The following MRGPRX2 variants were observed in gnomAD, a reference collection of about 807,000 sequenced individuals.
MRGPRX2 encodes MAS related GPR family member X2, also known as mas-related G protein-coupled receptor member X2.
For synonymous variants in MRGPRX2, 183 were observed against 175.6 expected, an observed-to-expected ratio of 1.04 and a Z score of -0.33; for missense variants, 389 against 404.5, an observed-to-expected ratio of 0.96 and a Z score of 0.33.
chr11:19,055,223 G>A lies in MRGPRX2; in HGVS notation c.*187C>T. On this transcript the variant is annotated 3_prime_UTR_variant, in exon 2 of 2. Transcript: ENST00000329773. ...TCATAGGGCTGTGGTGGAAGCCTGTGAGTAAGGCAGTTCCAGAGACACTGC... is the reference window on the plus strand; with the variant it reads ...TCATAGGGCTGTGGTGGAAGCCTGTAAGTAAGGCAGTTCCAGAGACACTGC... 4 of 607,038 alleles carry A rather than the reference G, an allele frequency of 6.6e-6. No individual in the cohort carries two copies. The highest frequency in any genetic ancestry group is 1.1e-5 in the Non-Finnish European group (4 of 355,588). 37.6% of individuals were successfully genotyped at this position (607,038 alleles called of 1,614,324 possible).
At chr11:19,056,494 G>T in intron 1 of MRGPRX2, 67 bp from the exon 2 acceptor site, 1 of 1,461,512 alleles carries the variant, frequency 6.8e-7, no homozygotes, top group Non-Finnish European at 9.3e-7. Context: ...AGCCTGTTAT[G>T]TGGTAATTAC....
At chr11:19,059,830 C>A (rs1849652631) in intron 1 of MRGPRX2, among the ~76,000 whole-genome samples, 1 of 152,138 alleles carries the variant, frequency 6.6e-6, no homozygotes, top group South Asian at 2.1e-4. Context: ...CCAAAGGGTA[C>A]ACATTGACAG....
Position 19,054,545 on chromosome 11 carries a change from A to G in MRGPRX2, c.*865T>C, listed in dbSNP as rs1849594531. The G allele has an allele frequency of 6.6e-6, 1 of 152,268 alleles. No homozygotes were observed. Among genetic ancestry groups the G allele is most frequent in the South Asian group, 2.1e-4 (1 of 4,834 alleles). 9.4% of individuals were successfully genotyped at this position (152,268 alleles called of 1,614,324 possible). A position where few individuals can be genotyped will look rare whatever the true frequency, so the allele number is the denominator to read the frequency against. Reference sequence around the variant, plus strand: ...AAATAAATGCTCCGAGTTCTTCGGAATAAAAGGTAAATCTGACATACAGCC... The same window carrying G: ...AAATAAATGCTCCGAGTTCTTCGGAGTAAAAGGTAAATCTGACATACAGCC... On this transcript the variant is annotated 3_prime_UTR_variant, in exon 2 of 2. Coordinates refer to ENST00000329773, the MANE Select transcript of MRGPRX2 (RefSeq NM_054030.4).
chr11:19,055,545 C>T lies in MRGPRX2; in HGVS notation c.858G>A (p.Arg286=). The change falls in exon 2 of 2, where the codon AGG becomes AGA. Residue 286 remains arginine (R), a synonymous_variant. Coordinates refer to ENST00000329773, the MANE Select transcript of MRGPRX2 (RefSeq NM_054030.4). ...TCGGCTGCTGCAGCCGCCACTGCTT[C>T]CTAAAAGAGCCCACGAAGAAGTAAA... is the stretch of plus-strand genomic sequence containing the variant. ...PIIYFFVGSF[R]KQWRLQQPIL... 5 of 1,614,186 alleles carry T rather than the reference C, an allele frequency of 3.1e-6. No individual in the cohort carries two copies. The highest frequency in any genetic ancestry group is 3.4e-6 in the Non-Finnish European group (4 of 1,180,024).
rs1331298011 is a variant in MRGPRX2, at chr11:19,055,294, G to A, written c.*116C>T. On this transcript the variant is annotated 3_prime_UTR_variant, in exon 2 of 2. Coordinates refer to ENST00000329773, the MANE Select transcript of MRGPRX2 (RefSeq NM_054030.4). Reference sequence around the variant, plus strand: ...GCACTGTCTCACTTAATCCTCACAAGGACTCTCTTAACTGTTTTAAAATCA... The same window carrying A: ...GCACTGTCTCACTTAATCCTCACAAAGACTCTCTTAACTGTTTTAAAATCA... 1.7e-5 allele frequency: 18 copies of A among 1,076,578 alleles called. No homozygotes were observed. Among genetic ancestry groups the A allele is most frequent in the Non-Finnish European group, 2.3e-5 (17 of 740,430 alleles). The allele number at this position is 1,076,578 out of a possible 1,614,324, so 66.7% of individuals were successfully genotyped here.
Position 19,056,091 on chromosome 11 carries a change from G to T in MRGPRX2, c.312C>A (p.Phe104Leu), listed in dbSNP as rs764571825. 4.3e-6 allele frequency: 7 copies of T among 1,614,226 alleles called. No homozygotes were observed. In the South Asian group the frequency reaches 6.6e-5, roughly 15 times the overall value. Residue 104 changes from phenylalanine to leucine, a missense_variant, in exon 2 of 2, where the codon TTC becomes TTA. Physicochemically the swap from Phe to Leu is conservative, Grantham distance 22. Transcript: ENST00000329773. ...AGGCACAGGTCATCACAGTGGTGAA[G>T]AAGCTAGGGAAATTGATGGAGATGG... ...FCSISINFPS[F>L]FTTVMTCAYL...
intron 1 of MRGPRX2, among the ~76,000 whole-genome samples, chr11:19,057,124 C>G (rs1806866325): frequency 6.6e-6 from 1 of 152,164 alleles, no homozygotes; most frequent in African/African-American, 2.4e-5. Flanking sequence ...TGCATGCATG[C>G]ATGGGGAGCC....
intron 1 of MRGPRX2, among the ~76,000 whole-genome samples, chr11:19,057,718 A>T (rs894354622): frequency 3.3e-5 from 5 of 152,236 alleles, no homozygotes; most frequent in Non-Finnish European, 7.3e-5. Flanking sequence ...CTTACTCATA[A>T]TGGGGTGAAT....
At chr11:19,058,423 AT>A (rs35629793) in intron 1 of MRGPRX2, among the ~76,000 whole-genome samples, 179 of 141,104 alleles carry the variant, frequency 1.3e-3, no homozygotes, top group African/African-American at 1.5e-3. Flanking sequence ...TTGCACCTGT[AT>A]TTTTTTTTTT....
At chr11:19,058,612 G>A (rs1263114999) in intron 1 of MRGPRX2, among the ~76,000 whole-genome samples, 2 of 151,622 alleles carry the variant, frequency 1.3e-5, no homozygotes, top group Non-Finnish European at 2.9e-5. Context: ...TTTTTCAGTA[G>A]AGACGGGGTT....
At chr11:19,059,602 T>C (rs1565000788) in intron 1 of MRGPRX2, among the ~76,000 whole-genome samples, 2 of 151,142 alleles carry the variant, frequency 1.3e-5, no homozygotes, top group Non-Finnish European at 3.0e-5. Context: ...GATGGGAAGG[T>C]CAAACAATTA....
chr11:19,055,890 TAAG>T lies in MRGPRX2; in HGVS notation c.510_512del (p.Phe170del), dbSNP rs1480625655. On this transcript the variant is annotated inframe_deletion, in exon 2 of 2. Transcript: ENST00000329773. ...ACCAACCAGAGTCACCATCACTAAATAAGAAGCCACAGAACTTCCCTTCCAAGA... is the reference window on the plus strand; with the variant it reads ...ACCAACCAGAGTCACCATCACTAAATAAGCCACAGAACTTCCCTTCCAAGA... The T allele has an allele frequency of 1.1e-5, 17 of 1,613,860 alleles. No individual in the cohort carries two copies. The highest frequency in any genetic ancestry group is 2.7e-5 in the African/African-American group (2 of 74,812).
At position 19,056,177 on chromosome 11, in the gene MRGPRX2, A is replaced by G; in HGVS notation, c.226T>C (p.Phe76Leu). 8 of 1,614,230 alleles carry G rather than the reference A, an allele frequency of 5.0e-6. No individual in the cohort carries two copies. The highest frequency in any genetic ancestry group is 6.8e-6 in the Non-Finnish European group (8 of 1,180,030). The change falls in exon 2 of 2, where the codon TTC becomes CTC. Residue 76 changes from phenylalanine to leucine, a missense_variant. Coordinates refer to ENST00000329773, the MANE Select transcript of MRGPRX2 (RefSeq NM_054030.4). ...VYVLSLAGAD[F>L]LFLCFQIINC... is the part of the protein sequence containing the mutation. ...ATAATCTGGAAGCAGAGGAAGAGGA[A>G]GTCGGCCCCGGCCAGGCTGAGGACG...
chr11:19,059,934 C>T lies in MRGPRX2; in HGVS notation c.-26+685G>A, dbSNP rs574506329. 3.8e-3 allele frequency among the ~76,000 whole-genome samples: 584 copies of T among 152,302 alleles called. 4 individuals carry two copies. The highest frequency in any genetic ancestry group is 0.013 in the African/African-American group (547 of 41,566). On this transcript the variant is annotated intron_variant, in intron 1 of 1. Transcript: ENST00000329773. ...TAAAAATTTCCTGGCTCTCTCCCTG[C>T]GCCCTGAAGGGCTGTGAGTTGGCAG... is the stretch of plus-strand genomic sequence containing the variant.
Position 19,056,056 on chromosome 11 carries a change from C to G in MRGPRX2, c.347G>C (p.Gly116Ala). Reference protein sequence around the residue: ...TTVMTCAYLAGLSMLSTVSTE... With the variant: ...TTVMTCAYLAALSMLSTVSTE... ...GCTGACGGTGCTCAGCATGCTCAGG[C>G]CTGCAAGGTAGGCACAGGTCATCAC... Residue 116 changes from glycine (G) to alanine (A), a missense_variant, in exon 2 of 2, where the codon GGC becomes GCC. By Grantham distance (60) the Gly-to-Ala change is moderately conservative. Transcript: ENST00000329773. 2 of 1,614,148 alleles carry G rather than the reference C, an allele frequency of 1.2e-6. No homozygotes were observed. Among genetic ancestry groups the G allele is most frequent in the South Asian group, 1.1e-5 (1 of 91,076 alleles).
intron 1 of MRGPRX2, among the ~76,000 whole-genome samples, chr11:19,059,415 T>A (rs1282032930): frequency 6.6e-6 from 1 of 152,194 alleles, no homozygotes; most frequent in East Asian, 1.9e-4. Flanking sequence ...TCTTTTTGAT[T>A]ATCACTATAA....
chr11:19,056,769 C>G (rs1849624164), intron 1 of MRGPRX2, among the ~76,000 whole-genome samples: 1 of 152,180 alleles, frequency 6.6e-6, no homozygotes, highest in Non-Finnish European at 1.5e-5. Flanking sequence ...AGACAGTACT[C>G]TGAGTTCAGG....
chr11:19,056,921 G>T (rs7104797), intron 1 of MRGPRX2, among the ~76,000 whole-genome samples: 45,394 of 152,036 alleles, frequency 0.3, 7,127 homozygotes, highest in African/African-American at 0.4. Flanking sequence ...ATAACGGAGA[G>T]GTGACTTCTT....
Position 19,055,269 on chromosome 11 carries a change from G to A in MRGPRX2, c.*141C>T, listed in dbSNP as rs1849601828. 8.4e-6 allele frequency: 7 copies of A among 828,722 alleles called. No individual in the cohort carries two copies. The highest frequency in any genetic ancestry group is 1.3e-5 in the Non-Finnish European group (7 of 532,654). The allele number at this position is 828,722 out of a possible 1,614,324, so 51.3% of individuals were successfully genotyped here. On this transcript the variant is annotated 3_prime_UTR_variant, in exon 2 of 2. Coordinates refer to ENST00000329773, the MANE Select transcript of MRGPRX2 (RefSeq NM_054030.4). ...ACTGCACTTAGTGTTTGTTTCATAG[G>A]CACTGTCTCACTTAATCCTCACAAG...
Sources: gnomAD v4.1 joint callset for allele counts (sites outside exome capture counted in the v4.1 genomes callset) on GRCh38, gnomAD v4.1.1 for gene constraint, MANE v1.5 for transcripts, NCBI Gene and HGNC (gene_info 2026-07-23, HGNC 2026-07-21) for gene names.